Variants in ANKS1A observed in about 807,000 individuals in gnomAD.
The protein encoded by ANKS1A is ankyrin repeat and sterile alpha motif domain containing 1A.
In ANKS1A, 55 loss-of-function variants were observed where a neutral mutation model predicts 120.3. That is an observed-to-expected ratio of 0.46 (90% CI 0.37 to 0.57). The LOEUF is 0.57. ANKS1A is among the 20% of genes least tolerant of loss of function. The pLI, the probability that ANKS1A is intolerant of heterozygous loss-of-function variation, is 0.00. For synonymous variants in ANKS1A, 590 were observed against 604.7 expected, an observed-to-expected ratio of 0.98 and a Z score of 0.36; for missense variants, 1,123 against 1,480.3, an observed-to-expected ratio of 0.76 and a Z score of 3.96.
chr6:35,096,653 G>T, the ANKS1A span, among the ~76,000 whole-genome samples: 1 of 152,148 alleles, frequency 6.6e-6, no homozygotes, highest in African/African-American at 2.4e-5. Flanking sequence ...AGCCATGAGG[G>T]CAGTTGCCAT....
chr6:35,039,475 G>T, intron 11 of ANKS1A: 1 of 420,258 alleles, frequency 2.4e-6, no homozygotes, highest in Non-Finnish European at 4.8e-6. Context: ...GGGATTACAG[G>T]CGTGAGCCAT....
chr6:35,083,364 G>C, intron 19 of ANKS1A, 53 bp from the exon 20 acceptor site: 4 of 1,600,198 alleles, frequency 2.5e-6, no homozygotes, highest in Non-Finnish European at 1.7e-6. Flanking sequence ...GGAAGCCCAG[G>C]AGGCTTAGCC....
At chr6:35,063,176 C>G (rs1342976478) in intron 13 of ANKS1A, among the ~76,000 whole-genome samples, 1 of 152,190 alleles carries the variant, frequency 6.6e-6, no homozygotes, top group Admixed American at 6.5e-5. Context: ...ACACCAGACG[C>G]AGGGAGAGAG....
chr6:35,066,220 G>A (rs769057240), intron 13 of ANKS1A, among the ~76,000 whole-genome samples: 41 of 152,238 alleles, frequency 2.7e-4, no homozygotes, highest in Admixed American at 1.7e-3. Context: ...ATGTAAGGAC[G>A]CAAGGTGGGA....
At chr6:35,072,515 C>T (rs1248557783) in intron 13 of ANKS1A, among the ~76,000 whole-genome samples, 1 of 152,270 alleles carries the variant, frequency 6.6e-6, no homozygotes, top group Non-Finnish European at 1.5e-5. Context: ...CCTTACTGAA[C>T]TCCAATAGGC....
the ANKS1A span, among the ~76,000 whole-genome samples, chr6:35,097,375 GGCA>G: frequency 6.6e-6 from 1 of 152,010 alleles, no homozygotes; most frequent in South Asian, 2.1e-4. Flanking sequence ...CGGGCATGGT[GGCA>G]GGTGCCTGTA....
At position 35,042,707 on chromosome 6, in the gene ANKS1A, CTTG is replaced by C. The variant is rs1775525897; in HGVS notation, c.2011-11389_2011-11387del. On this transcript the variant is annotated intron_variant, in intron 11 of 23. Transcript: ENST00000360359. ...GGCAGGGCACCAGTGCTCATCAGTGCTTGTTATGTGCCAGCCACCCTCCCTGTG... is the reference window on the plus strand; with the variant it reads ...GGCAGGGCACCAGTGCTCATCAGTGCTTATGTGCCAGCCACCCTCCCTGTG... Among the ~76,000 whole-genome samples the C allele has an allele frequency of 2.0e-5, 3 of 152,350 alleles. No individual in the cohort carries two copies. In the South Asian group the frequency reaches 6.2e-4, roughly 32 times the overall value.
chr6:35,087,886 C>T (rs1211536118), intron 23 of ANKS1A, among the ~76,000 whole-genome samples: 2 of 152,236 alleles, frequency 1.3e-5, no homozygotes, highest in East Asian at 1.9e-4. Context: ...CCTCTATCTT[C>T]GCCATGGAGT....
At chr6:35,042,668 C>T (rs937246936) in intron 11 of ANKS1A, among the ~76,000 whole-genome samples, 2 of 152,220 alleles carry the variant, frequency 1.3e-5, no homozygotes, top group Non-Finnish European at 2.9e-5. Context: ...TGCAATCAGT[C>T]CACAAAGGGT....
intron 11 of ANKS1A, among the ~76,000 whole-genome samples, chr6:35,029,802 T>C (rs906659735): frequency 2.0e-5 from 3 of 148,482 alleles, no homozygotes; most frequent in African/African-American, 7.3e-5. Flanking sequence ...TATACAAATA[T>C]ATATTATTTG....
chr6:34,982,720 C>T lies in ANKS1A; in HGVS notation c.733-32C>T. On this transcript the variant is annotated intron_variant, in intron 4 of 23. Coordinates refer to ENST00000360359, the MANE Select transcript of ANKS1A (RefSeq NM_015245.3). The surrounding 1 kb of genome is among the most constrained non-coding windows in gnomAD (Gnocchi z 4.9). ...AAGCCGCACCAAACTGTTCTGATGA[C>T]ATCCCGCTCTGCGCTCTCGTTTGCT... 2.5e-6 allele frequency: 4 copies of T among 1,613,086 alleles called. No individual in the cohort carries two copies. Among genetic ancestry groups the T allele is most frequent in the Middle Eastern group, 1.7e-4 (1 of 6,060 alleles).
At chr6:34,977,762 A>G (rs183950349) in intron 3 of ANKS1A, among the ~76,000 whole-genome samples, 26 of 152,104 alleles carry the variant, frequency 1.7e-4, no homozygotes, top group Middle Eastern at 3.4e-3. Context: ...TCTCAGACCT[A>G]GTTTTTCCTT....
intron 11 of ANKS1A, among the ~76,000 whole-genome samples, chr6:35,031,561 G>A (rs1055837633): frequency 4.6e-5 from 7 of 152,026 alleles, no homozygotes; most frequent in South Asian, 2.1e-4. Flanking sequence ...TGTGCCAGTC[G>A]CCAGGGTTTC....
chr6:35,001,808 G>A (rs543945045), intron 10 of ANKS1A, among the ~76,000 whole-genome samples: 14 of 152,078 alleles, frequency 9.2e-5, no homozygotes, highest in African/African-American at 2.7e-4. Context: ...TCCCTTTCAC[G>A]CTGGCATTTC....
At chr6:35,032,572 C>T (rs1489093187) in intron 11 of ANKS1A, among the ~76,000 whole-genome samples, 1 of 152,154 alleles carries the variant, frequency 6.6e-6, no homozygotes, top group Non-Finnish European at 1.5e-5. Flanking sequence ...TGTGGGATGT[C>T]CTGAGTCCTT....
chr6:34,949,563 G>A (rs1769966834), intron 1 of ANKS1A, among the ~76,000 whole-genome samples: 1 of 152,174 alleles, frequency 6.6e-6, no homozygotes, highest in Non-Finnish European at 1.5e-5. Context: ...GTAAGGCAGT[G>A]ACTTTGGAAA....
At chr6:35,063,252 T>C (rs1219986503) in intron 13 of ANKS1A, among the ~76,000 whole-genome samples, 1 of 152,226 alleles carries the variant, frequency 6.6e-6, no homozygotes, top group Admixed American at 6.5e-5. Flanking sequence ...ACCTGCATCG[T>C]AGCTGGTTCC....
intron 1 of ANKS1A, among the ~76,000 whole-genome samples, chr6:34,920,701 C>T (rs1768390165): frequency 6.6e-6 from 1 of 152,014 alleles, no homozygotes; most frequent in Admixed American, 6.6e-5. Flanking sequence ...TGTAAAGTTC[C>T]TAAGGAGAGC....
intron 1 of ANKS1A, among the ~76,000 whole-genome samples, chr6:34,914,831 A>G (rs1453747683): frequency 1.3e-5 from 2 of 152,170 alleles, no homozygotes; most frequent in African/African-American, 4.8e-5. Context: ...GCCTGTTCAA[A>G]GGCTCTGAGT....
Sources: gnomAD v4.1 joint callset for allele counts (sites outside exome capture counted in the v4.1 genomes callset) on GRCh38, gnomAD v4.1.1 for gene constraint, Gnocchi (gnomAD v3.1) non-coding constraint, MANE v1.5 for transcripts, NCBI Gene and HGNC (gene_info 2026-07-23, HGNC 2026-07-21) for gene names.